Variants in USP54 observed in about 807,000 individuals in gnomAD.
USP54 encodes the protein ubiquitin specific peptidase 54, also known as ubiquitin carboxyl-terminal hydrolase 54.
Under a neutral mutation model 170.5 loss-of-function variants are expected in USP54, and 87 were observed. That is an observed-to-expected ratio of 0.51 (90% CI 0.43 to 0.61). The LOEUF is 0.61. Ranked by LOEUF, USP54 falls within the 20% of genes least tolerant of loss-of-function variation. The pLI is 0.00. For missense variants in USP54, 1,786 were observed against 2,047.8 expected (o/e 0.87, Z 2.47); for synonymous variants, 655 against 742.8 (o/e 0.88, Z 1.92).
At chr10:73,541,294 T>A in intron 9 of USP54, 81 bp downstream of exon 9, 1 of 1,575,474 alleles carries the variant, frequency 6.3e-7, no homozygotes, top group Non-Finnish European at 8.6e-7. Context: ...AGGACATACC[T>A]GTTTGTCTAG....
chr10:73,602,683 C>G (rs1347714706), intron 1 of USP54, among the ~76,000 whole-genome samples: 1 of 151,280 alleles, frequency 6.6e-6, no homozygotes, highest in African/African-American at 2.4e-5. Flanking sequence ...AGGTGAAAAC[C>G]TGTCTCTAAT....
At position 73,517,167 on chromosome 10, in the gene USP54, G is replaced by A. The variant is rs1290963360; in HGVS notation, c.3259C>T (p.Pro1087Ser). Residue 1087 changes from proline to serine, a missense_variant, in exon 20 of 24, where the codon CCT becomes TCT. By Grantham distance (74) the Pro-to-Ser change is moderately conservative. Transcript: ENST00000687698. ...TGGTTAGTTTTCTGCACAGGATCAG[G>A]ACAGTGAAGCACAAATGAAGAAGCA... ...PVASSFVLHC[P>S]DPVQKTNQCL... The A allele has an allele frequency of 6.2e-7, 1 of 1,614,230 alleles. No homozygotes were observed. Among genetic ancestry groups the A allele is most frequent in the Admixed American group, 1.7e-5 (1 of 60,026 alleles).
Position 73,517,680 on chromosome 10 carries a change from C to T in USP54, c.2746G>A (p.Glu916Lys). Residue 916 changes from glutamate to lysine, a missense_variant, in exon 20 of 24, where the codon GAG (glutamate) becomes AAG (lysine). Around this residue, in one of 3 missense-constraint regions of USP54, gnomAD observed 1,418 missense variants for 1,569.0 expected, o/e 0.90. Transcript: ENST00000687698. Reference protein sequence around the residue: ...EAQLESGMDTEFGASSFFHSP... With the variant: ...EAQLESGMDTKFGASSFFHSP... ...TGGAAGAAAGAACTGGCCCCAAACT[C>T]TGTATCCATGCCGGATTCCAGTTGG... 6.2e-7 allele frequency: 1 copy of T among 1,614,182 alleles called. No individual in the cohort carries two copies. The highest frequency in any genetic ancestry group is 1.1e-5 in the South Asian group (1 of 91,086).
intron 1 of USP54, among the ~76,000 whole-genome samples, chr10:73,604,164 G>A (rs924746912): frequency 1.4e-4 from 21 of 150,648 alleles, no homozygotes; most frequent in Admixed American, 4.6e-4. Flanking sequence ...CAGGAGAATC[G>A]CTTGAACCCA....
In USP54 at chr10:73,517,008, G is replaced by C. The variant is rs1253699230; in HGVS notation, c.3418C>G (p.Gln1140Glu). ...RSLAEQFQRM[Q>E]GVSMRDSTGF... ...GTACTATCCCTCATGGAGACACCCTGCATCCTCTGGAACTGCTCAGCCAGA... is the reference window on the plus strand; with the variant it reads ...GTACTATCCCTCATGGAGACACCCTCCATCCTCTGGAACTGCTCAGCCAGA... Residue 1140 changes from glutamine (Q) to glutamate (E), a missense_variant, in exon 20 of 24, where the codon CAG becomes GAG. Around this residue, in one of 3 missense-constraint regions of USP54, gnomAD observed 1,418 missense variants for 1,569.0 expected, o/e 0.90. Coordinates refer to ENST00000687698, the MANE Select transcript of USP54 (RefSeq NM_001391956.1). The C allele has an allele frequency of 6.2e-7, 1 of 1,614,066 alleles. No individual in the cohort carries two copies. The highest frequency in any genetic ancestry group is 8.5e-7 in the Non-Finnish European group (1 of 1,180,050).
chr10:73,498,809 C>T lies in USP54; in HGVS notation c.4875G>A (p.Gly1625=). Residue 1625 remains glycine (G), a synonymous_variant, in exon 24 of 24, where the codon GGG becomes GGA. Transcript: ENST00000687698. The part of the protein sequence containing the change: ...RSAWNSDPVP[G]SRTPGPRRVD... ...CTCTTCGAGGACCAGGGGTTCGGGA[C>T]CCTGGAACAGGATCTGAATTCCAAG... is the stretch of plus-strand genomic sequence containing the variant. The T allele has an allele frequency of 1.2e-6, 2 of 1,612,942 alleles. No individual in the cohort carries two copies. Among genetic ancestry groups the T allele is most frequent in the Non-Finnish European group, 1.7e-6 (2 of 1,179,340 alleles).
chr10:73,571,513 C>A lies in USP54; in HGVS notation c.148G>T (p.Val50Phe), dbSNP rs1398290845. ...NSCFLNSALQ[V>F]LWHLDIFRRS... ...CGGAAGATATCCAAGTGCCACAAAACCTGATGAGAAAAGGAAAATATTTCA... is the reference window on the plus strand; with the variant it reads ...CGGAAGATATCCAAGTGCCACAAAAACTGATGAGAAAAGGAAAATATTTCA... Residue 50 changes from valine to phenylalanine, a missense_variant and splice_region_variant, in exon 4 of 24, where the codon GTT (valine) becomes TTT (phenylalanine). Physicochemically the swap from Val to Phe is conservative, Grantham distance 50. Around this residue, in one of 3 missense-constraint regions of USP54, gnomAD observed 361 missense variants for 455.0 expected, o/e 0.79. Transcript: ENST00000687698. The A allele has an allele frequency of 1.2e-6, 2 of 1,612,864 alleles. No homozygotes were observed. Among genetic ancestry groups the A allele is most frequent in the Non-Finnish European group, 1.7e-6 (2 of 1,179,354 alleles).
chr10:73,559,039 C>T (rs1435258850), intron 4 of USP54, among the ~76,000 whole-genome samples: 1 of 152,132 alleles, frequency 6.6e-6, no homozygotes, highest in African/African-American at 2.4e-5. Context: ...TGGACCCACA[C>T]AGTTCAAACC....
At chr10:73,549,381 T>C (rs776558009) in intron 4 of USP54, among the ~76,000 whole-genome samples, 3 of 152,248 alleles carry the variant, frequency 2.0e-5, no homozygotes, top group Non-Finnish European at 4.4e-5. Context: ...TCTAACTATA[T>C]ATTGGACGTC....
Position 73,612,782 on chromosome 10 carries a change from A to G in USP54, c.-18+12785T>C, listed in dbSNP as rs951954508. 4.0e-5 allele frequency among the ~76,000 whole-genome samples: 6 copies of G among 149,510 alleles called. No homozygotes were observed. The East Asian group carries it at 1.2e-3, about 30-fold the overall frequency. On this transcript the variant is annotated intron_variant, in intron 1 of 22. Transcript: ENST00000339859. ...TTGAACCCACGAGGTGGAGGTTGCA[A>G]TGAGCAGAGATCTTGCCAAAGCACT...
At chr10:73,604,449 A>G (rs1271957202) in intron 1 of USP54, among the ~76,000 whole-genome samples, 1 of 151,758 alleles carries the variant, frequency 6.6e-6, no homozygotes, top group African/African-American at 2.4e-5. Flanking sequence ...AAAAGAACTG[A>G]AAGTATGCTC....
intron 7 of USP54, among the ~76,000 whole-genome samples, chr10:73,542,382 G>A (rs554338234): frequency 6.6e-6 from 1 of 151,998 alleles, no homozygotes; most frequent in Non-Finnish European, 1.5e-5. Context: ...TTATAGGCAT[G>A]AGCCACCATG....
chr10:73,603,656 G>A (rs1157536970), intron 1 of USP54, among the ~76,000 whole-genome samples: 1 of 151,994 alleles, frequency 6.6e-6, no homozygotes, highest in Non-Finnish European at 1.5e-5. Context: ...GCTGAGGCAG[G>A]AGAAGCACTT....
chr10:73,550,228 T>A (rs2068932603), intron 4 of USP54, among the ~76,000 whole-genome samples: 2 of 152,198 alleles, frequency 1.3e-5, no homozygotes, highest in South Asian at 4.1e-4. Context: ...CCAGCCATAC[T>A]ATTCTACTTC....
chr10:73,519,865 T>C lies in USP54; in HGVS notation c.2610A>G (p.Ser870=). The change falls in exon 19 of 24, where the codon TCA becomes TCG. Residue 870 remains serine, a synonymous_variant. Transcript: ENST00000687698. ...SLQDRMQQQQ[S]PQQPSQPSAC... ...CTGAGGGCTGCGACGGCTGCTGTGG[T>C]GATTGCTGCTGCTGCATGCGATCCT... 1 of 1,614,128 alleles carries C rather than the reference T, an allele frequency of 6.2e-7. No homozygotes were observed. Among genetic ancestry groups the C allele is most frequent in the East Asian group, 2.2e-5 (1 of 44,872 alleles).
intron 1 of USP54, among the ~76,000 whole-genome samples, chr10:73,620,666 G>A (rs1442455829): frequency 6.7e-6 from 1 of 149,886 alleles, no homozygotes; most frequent in Non-Finnish European, 1.5e-5. Context: ...GGCCGGGAGT[G>A]GTGGCTCACG....
chr10:73,523,818 G>T, intron 16 of USP54, 68 bp from the exon 17 acceptor site: 2 of 1,385,848 alleles, frequency 1.4e-6, no homozygotes, highest in South Asian at 3.1e-5. Flanking sequence ...ATGAATTTAT[G>T]ACCACTGCAA....
chr10:73,614,561 CAAAAAAA>C (rs60519884), intron 1 of USP54, among the ~76,000 whole-genome samples: 4 of 50,244 alleles, frequency 8.0e-5, no homozygotes, highest in Non-Finnish European at 1.2e-4. Context: ...ACTCCGTCTC[CAAAAAAA>C]AAAAAAAAAA....
intron 1 of USP54, among the ~76,000 whole-genome samples, chr10:73,622,103 T>C (rs2081140571): frequency 6.6e-6 from 1 of 152,164 alleles, no homozygotes; most frequent in African/African-American, 2.4e-5. Context: ...CCCACACCAA[T>C]CTCTATTCTA....
Sources: gnomAD v4.1 joint callset for allele counts (sites outside exome capture counted in the v4.1 genomes callset) on GRCh38, gnomAD v4.1.1 for gene constraint, gnomAD v4.1.1 regional missense constraint, MANE v1.5 for transcripts, NCBI Gene and HGNC (gene_info 2026-07-23, HGNC 2026-07-21) for gene names.